The following NALF1 variants were observed in gnomAD, a reference collection of about 807,000 sequenced individuals.
NALF1 encodes the protein family with sequence similarity 155 member A.
Under a neutral mutation model 48.4 loss-of-function variants are expected in NALF1, and 3 were observed. That is an observed-to-expected ratio of 0.06 (90% CI 0.03 to 0.16). The LOEUF (loss-of-function observed/expected upper bound fraction) is 0.16, where lower values mean the gene tolerates loss of function less well. NALF1 is among the 10% of genes least tolerant of loss of function. The pLI is 1.00. For missense variants in NALF1, 526 were observed against 571.5 expected (o/e 0.92, Z 0.81); for synonymous variants, 262 against 245.7 (o/e 1.07, Z -0.62).
chr13:107,186,550 T>A (rs377218474), intron 2 of NALF1, among the ~76,000 whole-genome samples: 2 of 152,104 alleles, frequency 1.3e-5, no homozygotes, highest in African/African-American at 4.8e-5. Context: ...GTAATTTTAG[T>A]AGAGATGGGG....
chr13:107,861,513 T>C (rs907747854), intron 1 of NALF1, among the ~76,000 whole-genome samples: 1 of 152,180 alleles, frequency 6.6e-6, no homozygotes, highest in African/African-American at 2.4e-5. Flanking sequence ...GGCCAGGCGC[T>C]GTGGCTCACA....
At chr13:107,604,902 G>A (rs1462350244) in intron 1 of NALF1, among the ~76,000 whole-genome samples, 2 of 152,092 alleles carry the variant, frequency 1.3e-5, no homozygotes, top group African/African-American at 4.8e-5. Context: ...ATAATTGTGA[G>A]AGCTTTCATT....
At chr13:107,701,860 ATTTAC>A (rs1881830124) in intron 1 of NALF1, among the ~76,000 whole-genome samples, 1 of 152,204 alleles carries the variant, frequency 6.6e-6, no homozygotes, top group African/African-American at 2.4e-5. Context: ...ACATAATAAA[ATTTAC>A]TTTAAGAAAA....
chr13:107,232,100 A>C (rs1466184444), intron 1 of NALF1, among the ~76,000 whole-genome samples: 9 of 152,232 alleles, frequency 5.9e-5, no homozygotes, highest in African/African-American at 2.2e-4. Context: ...AAGAATGGAG[A>C]GACGATATGT....
At position 107,603,444 on chromosome 13, in the gene NALF1, GT is replaced by G. The variant is rs146225513; in HGVS notation, c.915+262237del. On this transcript the variant is annotated intron_variant, in intron 1 of 2. Coordinates refer to ENST00000375915, the MANE Select transcript of NALF1 (RefSeq NM_001080396.3). Reference sequence around the variant, plus strand: ...AAATTTGAAGCAATAATGAGTTATTGTTTTTAGAGATAAAAGTCATCAACAT... The same window carrying G: ...AAATTTGAAGCAATAATGAGTTATTGTTTTAGAGATAAAAGTCATCAACAT... Among the ~76,000 whole-genome samples, 10 of 152,210 alleles carry G rather than the reference GT, an allele frequency of 6.6e-5. No homozygotes were observed. In the East Asian group the frequency reaches 1.9e-3, roughly 29 times the overall value.
chr13:107,380,826 A>G (rs1321614595), intron 1 of NALF1, among the ~76,000 whole-genome samples: 1 of 151,624 alleles, frequency 6.6e-6, no homozygotes, highest in East Asian at 2.0e-4. Context: ...AAAATACAAA[A>G]AATTAGCCGG....
In NALF1 at chr13:107,760,022, T is replaced by A. The variant is rs1049410548; in HGVS notation, c.915+105660A>T. Reference sequence around the variant, plus strand: ...TCTGTAATTCTACCAAAATACCAAATTAGTTTTCATTCCAATATACAGCCA... The same window carrying A: ...TCTGTAATTCTACCAAAATACCAAAATAGTTTTCATTCCAATATACAGCCA... On this transcript the variant is annotated intron_variant, in intron 1 of 2. Coordinates refer to ENST00000375915, the MANE Select transcript of NALF1 (RefSeq NM_001080396.3). Among the ~76,000 whole-genome samples, 20 of 152,276 alleles carry A rather than the reference T, an allele frequency of 1.3e-4. 1 individual carries two copies. The South Asian group carries it at 3.9e-3, about 30-fold the overall frequency.
chr13:107,191,060 T>C (rs1879268959), intron 2 of NALF1, among the ~76,000 whole-genome samples: 1 of 152,204 alleles, frequency 6.6e-6, no homozygotes, highest in Non-Finnish European at 1.5e-5. Flanking sequence ...TCAGGTAGTA[T>C]ATTGTTTCTT....
chr13:107,608,064 C>T (rs1181123769), intron 1 of NALF1, among the ~76,000 whole-genome samples: 1 of 152,150 alleles, frequency 6.6e-6, no homozygotes, highest in African/African-American at 2.4e-5. Context: ...ACATTTCTCC[C>T]ATTAAAAGGT....
At chr13:107,187,775 C>T (rs1048720580) in intron 2 of NALF1, among the ~76,000 whole-genome samples, 1 of 152,172 alleles carries the variant, frequency 6.6e-6, no homozygotes, top group African/African-American at 2.4e-5. Context: ...AAGAATGGTT[C>T]CCATTTCCTC....
intron 2 of NALF1, among the ~76,000 whole-genome samples, chr13:107,200,732 A>T (rs1429844618): frequency 6.6e-6 from 1 of 152,218 alleles, no homozygotes; most frequent in East Asian, 1.9e-4. Context: ...AGTTGGCTGG[A>T]GGAGGTGACT....
At chr13:107,390,968 T>C (rs1433169378) in intron 1 of NALF1, among the ~76,000 whole-genome samples, 2 of 152,126 alleles carry the variant, frequency 1.3e-5, no homozygotes, top group African/African-American at 2.4e-5. Flanking sequence ...TTAGCATTTC[T>C]TTTTAAAAGT....
intron 1 of NALF1, among the ~76,000 whole-genome samples, chr13:107,559,771 C>T (rs1283681974): frequency 2.0e-5 from 3 of 152,094 alleles, no homozygotes; most frequent in East Asian, 1.9e-4. Flanking sequence ...ATTCCCAGTC[C>T]GAGTTTAAAA....
chr13:107,780,026 C>T (rs1594261116), intron 1 of NALF1, among the ~76,000 whole-genome samples: 1 of 146,232 alleles, frequency 6.8e-6, no homozygotes, highest in East Asian at 2.0e-4. Flanking sequence ...ATCTCCAAGA[C>T]ATACTTTTTT....
intron 1 of NALF1, among the ~76,000 whole-genome samples, chr13:107,677,268 A>G (rs9559135): frequency 0.24 from 37,231 of 152,164 alleles, 5,188 homozygotes; most frequent in Non-Finnish European, 0.31. Context: ...CTGGTCCCGA[A>G]CTCCTTACCT....
chr13:107,494,913 G>A (rs1331172341), intron 1 of NALF1, among the ~76,000 whole-genome samples: 1 of 152,168 alleles, frequency 6.6e-6, no homozygotes, highest in African/African-American at 2.4e-5. Context: ...AGAACAGAAT[G>A]TAAAAGCACA....
At chr13:107,638,974 A>G (rs1340733523) in intron 1 of NALF1, among the ~76,000 whole-genome samples, 1 of 152,178 alleles carries the variant, frequency 6.6e-6, no homozygotes, top group Non-Finnish European at 1.5e-5. Context: ...CTATATGCAC[A>G]TAACATGTAA....
In NALF1 at chr13:107,168,495, A is replaced by G. The variant is rs978562283; in HGVS notation, c.*2002T>C. The G allele has an allele frequency of 4.6e-5, 7 of 152,636 alleles. 1 individual carries two copies. Among genetic ancestry groups the G allele is most frequent in the Middle Eastern group, 6.8e-3 (2 of 294 alleles). 9.5% of individuals were successfully genotyped at this position (152,636 alleles called of 1,614,324 possible). A position where few individuals can be genotyped will look rare whatever the true frequency, so the allele number is the denominator to read the frequency against. On this transcript the variant is annotated 3_prime_UTR_variant, in exon 3 of 3. Coordinates refer to ENST00000375915, the MANE Select transcript of NALF1 (RefSeq NM_001080396.3). ...TGAATGTATTTGCATTTGCAGAAAA[A>G]AAAATTTTAAAAAAGGAACAAAAAC...
intron 1 of NALF1, among the ~76,000 whole-genome samples, chr13:107,263,751 C>A (rs541668864): frequency 6.6e-6 from 1 of 152,174 alleles, no homozygotes; most frequent in East Asian, 1.9e-4. Context: ...TATAAATTAC[C>A]CAGTCTAAGG....
Sources: allele counts gnomAD v4.1 joint callset (sites outside exome capture counted in the v4.1 genomes callset), GRCh38; gene constraint gnomAD v4.1.1; transcripts MANE v1.5; gene names NCBI Gene and HGNC (gene_info 2026-07-23, HGNC 2026-07-21).